The following ENTREP2 variants were observed in gnomAD, a reference collection of about 807,000 sequenced individuals.
ENTREP2 encodes the protein endosomal transmembrane epsin interactor 2.
the ENTREP2 span, among the ~76,000 whole-genome samples, chr15:29,353,835 C>T: frequency 6.6e-6 from 1 of 152,138 alleles, no homozygotes; most frequent in Admixed American, 6.5e-5. Context: ...GACTGAGGCA[C>T]AGAGAAGTTC....
the ENTREP2 span, among the ~76,000 whole-genome samples, chr15:29,492,148 T>G: frequency 6.6e-6 from 1 of 152,134 alleles, no homozygotes; most frequent in Non-Finnish European, 1.5e-5. Flanking sequence ...TCCAGTAGGC[T>G]GTACCATAGA....
At chr15:29,550,427 T>C in the ENTREP2 span, among the ~76,000 whole-genome samples, 31 of 152,182 alleles carry the variant, frequency 2.0e-4, no homozygotes, top group African/African-American at 6.5e-4. Flanking sequence ...AAGCCAAGAA[T>C]TGTAAATAAT....
At chr15:29,313,698 C>G in the ENTREP2 span, among the ~76,000 whole-genome samples, 10 of 152,312 alleles carry the variant, frequency 6.6e-5, no homozygotes, top group South Asian at 1.0e-3. Context: ...CATTTTTCTG[C>G]CAGCCAATAC....
At chr15:29,510,083 G>A in the ENTREP2 span, among the ~76,000 whole-genome samples, 1 of 152,168 alleles carries the variant, frequency 6.6e-6, no homozygotes, top group East Asian at 1.9e-4. Context: ...CAAAAAGTGG[G>A]TGAAGGATAT....
chr15:29,195,082 G>A, the ENTREP2 span: 13 of 976,194 alleles, frequency 1.3e-5, no homozygotes, highest in Non-Finnish European at 1.5e-5. Flanking sequence ...GTAGAATGTG[G>A]GCGTAGGTAA....
At chr15:29,645,281 G>GA in the ENTREP2 span, among the ~76,000 whole-genome samples, 25 of 151,990 alleles carry the variant, frequency 1.6e-4, no homozygotes, top group South Asian at 8.3e-4. Flanking sequence ...TCTAAATGGT[G>GA]AAAAAAAATA....
the ENTREP2 span, among the ~76,000 whole-genome samples, chr15:29,161,377 G>C: frequency 6.6e-6 from 1 of 152,170 alleles, no homozygotes; most frequent in Non-Finnish European, 1.5e-5. Flanking sequence ...GAGACCCCAG[G>C]GCATGGGGAA....
the ENTREP2 span, among the ~76,000 whole-genome samples, chr15:29,406,254 T>A: frequency 6.6e-6 from 1 of 152,214 alleles, no homozygotes; most frequent in East Asian, 1.9e-4. Context: ...AAAATATATT[T>A]TTTAACAAGC....
At chr15:29,635,735 C>T in the ENTREP2 span, among the ~76,000 whole-genome samples, 2 of 152,148 alleles carry the variant, frequency 1.3e-5, no homozygotes, top group African/African-American at 4.8e-5. Context: ...CACAGCTTAT[C>T]CAGGAATCAA....
At chr15:29,349,179 A>G in the ENTREP2 span, among the ~76,000 whole-genome samples, 1 of 152,198 alleles carries the variant, frequency 6.6e-6, no homozygotes, top group Non-Finnish European at 1.5e-5. Flanking sequence ...CCCATCAGGA[A>G]ACATGTGGGC....
the ENTREP2 span, among the ~76,000 whole-genome samples, chr15:29,413,764 G>C: frequency 0.76 from 114,880 of 152,008 alleles, 44,611 homozygotes; most frequent in African/African-American, 0.93. Context: ...TCTGGGTAAG[G>C]AGAGACACAC....
the ENTREP2 span, among the ~76,000 whole-genome samples, chr15:29,414,792 T>C: frequency 0.22 from 32,991 of 151,612 alleles, 3,913 homozygotes; most frequent in Middle Eastern, 0.39. Flanking sequence ...ATCAAATAGA[T>C]GCAATAAAAA....
the ENTREP2 span, among the ~76,000 whole-genome samples, chr15:29,169,388 A>G: frequency 8.5e-5 from 13 of 152,310 alleles, no homozygotes; most frequent in Admixed American, 5.2e-4. Context: ...GGTGGCATCA[A>G]TAAGGGACAG....
chr15:29,540,216 A>T, the ENTREP2 span, among the ~76,000 whole-genome samples: 1 of 152,008 alleles, frequency 6.6e-6, no homozygotes, highest in African/African-American at 2.4e-5. Flanking sequence ...GGTATCCATC[A>T]CCCTAGTGTT....
At chr15:29,193,544 G>C in the ENTREP2 span, among the ~76,000 whole-genome samples, 1 of 152,084 alleles carries the variant, frequency 6.6e-6, no homozygotes, top group South Asian at 2.1e-4. Context: ...TTTTGACTTC[G>C]ACTGAGCCAA....
chr15:29,196,784 A>G, the ENTREP2 span: 11 of 471,236 alleles, frequency 2.3e-5, no homozygotes, highest in Non-Finnish European at 3.4e-5. Context: ...AAGCAAAAGT[A>G]CATTTGAAGA....
At chr15:29,469,708 TC>T in the ENTREP2 span, among the ~76,000 whole-genome samples, 1 of 152,208 alleles carries the variant, frequency 6.6e-6, no homozygotes, top group Non-Finnish European at 1.5e-5. Flanking sequence ...GTTGTACACT[TC>T]AACATGGTTA....
chr15:29,297,155 A>G, the ENTREP2 span, among the ~76,000 whole-genome samples: 1 of 152,202 alleles, frequency 6.6e-6, no homozygotes, highest in African/African-American at 2.4e-5. Context: ...TCTAAAATCC[A>G]GACACTCAGC....
the ENTREP2 span, among the ~76,000 whole-genome samples, chr15:29,662,402 G>A: frequency 1.3e-4 from 20 of 151,990 alleles, no homozygotes; most frequent in Non-Finnish European, 2.8e-4. Context: ...TAAAAAATCC[G>A]ATGTGAAGAT....
Sources: gnomAD v4.1 joint callset for allele counts (sites outside exome capture counted in the v4.1 genomes callset) on GRCh38, gnomAD v4.1.1 for gene constraint, MANE v1.5 for transcripts, NCBI Gene and HGNC (gene_info 2026-07-23, HGNC 2026-07-21) for gene names.